FADS2: variants seen among roughly 807,000 people sequenced by gnomAD.
FADS2 encodes fatty acid desaturase 2, also known as acyl-CoA 6-desaturase.
A neutral mutation model predicts 61.2 loss-of-function variants in FADS2; 18 were observed. That is an observed-to-expected ratio of 0.29 (90% CI 0.20 to 0.44). The LOEUF is 0.44. Among genes scored for constraint, FADS2 ranks in the 20% least tolerant of loss-of-function variants. FADS2 has a pLI of 1.00. For synonymous variants in FADS2, 203 were observed against 223.9 expected, an observed-to-expected ratio of 0.91 and a Z score of 0.83; for missense variants, 322 against 572.7, an observed-to-expected ratio of 0.56 and a Z score of 4.47.
At chr11:61,843,489 G>A (rs1281485232) in intron 4 of FADS2, among the ~76,000 whole-genome samples, 1 of 152,182 alleles carries the variant, frequency 6.6e-6, no homozygotes, top group Non-Finnish European at 1.5e-5. Context: ...TCTGGAAATG[G>A]ACATCACCAG....
Position 61,865,735 on chromosome 11 carries a change from G to C in FADS2, c.*46G>C. ...CGTGGGGAAGGGGTGCAGGTGGGGT[G>C]ATGGCCAGAGGAATGATGGGCTTTT... On this transcript the variant is annotated 3_prime_UTR_variant, in exon 12 of 12. Coordinates refer to ENST00000278840, the MANE Select transcript of FADS2 (RefSeq NM_004265.4). This position sits in a 1 kb window ranked among gnomAD's most constrained non-coding sequence, Gnocchi z 4.1. 2 of 1,535,618 alleles carry C rather than the reference G, an allele frequency of 1.3e-6. No individual in the cohort carries two copies. Among genetic ancestry groups the C allele is most frequent in the South Asian group, 2.3e-5 (2 of 87,326 alleles).
At chr11:61,862,375 G>A in intron 7 of FADS2, 1 of 154,738 alleles carries the variant, frequency 6.5e-6, no homozygotes, top group Non-Finnish European at 1.4e-5. Flanking sequence ...CCCAGTACAT[G>A]AGAGAAGACG....
intron 2 of FADS2, among the ~76,000 whole-genome samples, chr11:61,838,289 T>G (rs1003656217): frequency 6.6e-6 from 1 of 152,114 alleles, no homozygotes; most frequent in East Asian, 1.9e-4. Context: ...GTTCATTGTC[T>G]GCAGGTCAGA....
chr11:61,860,899 C>A (rs2067408249), intron 7 of FADS2, among the ~76,000 whole-genome samples: 1 of 151,816 alleles, frequency 6.6e-6, no homozygotes, highest in South Asian at 2.1e-4. Context: ...CAGAGTGAGA[C>A]CCTGTCTCTT....
intron 7 of FADS2, 128 bp downstream of exon 7, chr11:61,857,658 G>C: frequency 1.4e-6 from 1 of 729,136 alleles, no homozygotes; most frequent in East Asian, 2.6e-5. Context: ...CTCCTCCCTG[G>C]GGTAGCTGCC....
At chr11:61,838,036 G>C (rs1004420822) in intron 2 of FADS2, 148 bp downstream of exon 2, 1 of 638,132 alleles carries the variant, frequency 1.6e-6, no homozygotes, top group African/African-American at 1.8e-5. Flanking sequence ...GTTCACCTGT[G>C]TTCAGGGAGG....
chr11:61,856,869 G>A, intron 5 of FADS2, 142 bp from the exon 6 acceptor site: 1 of 735,622 alleles, frequency 1.4e-6, no homozygotes. Context: ...GGCTTGGTGG[G>A]CCCAGGGTGC....
intron 7 of FADS2, among the ~76,000 whole-genome samples, chr11:61,861,142 C>T (rs1302937178): frequency 1.3e-5 from 2 of 151,888 alleles, no homozygotes; most frequent in Admixed American, 6.6e-5. Context: ...ATCACAAGGT[C>T]AGGAGATCGA....
At position 61,817,100 on chromosome 11, in the gene FADS2, C is replaced by T. The variant is rs573994254; in HGVS notation, c.141+674C>T. 104 of 692,128 alleles carry T rather than the reference C, an allele frequency of 1.5e-4. No individual in the cohort carries two copies. In the South Asian group the frequency reaches 2.9e-3, roughly 19 times the overall value. 42.9% of individuals were successfully genotyped at this position (692,128 alleles called of 1,614,324 possible). ...CGCGGCGTTGGCTCCCAGGGGGCGC[C>T]GCGGTAGGAACAGCGGTTCTAGTGC... is the stretch of plus-strand genomic sequence containing the variant. On this transcript the variant is annotated intron_variant, in intron 1 of 11. Transcript: ENST00000257261.
chr11:61,857,192 CG>C (rs954024422), intron 6 of FADS2, 121 bp downstream of exon 6: 3 of 910,594 alleles, frequency 3.3e-6, no homozygotes, highest in African/African-American at 1.6e-5. Context: ...TTGTTAGAAG[CG>C]GGGGCCACAG....
At chr11:61,862,546 C>CGG in intron 7 of FADS2, 1 of 210,916 alleles carries the variant, frequency 4.7e-6, no homozygotes, top group Admixed American at 5.4e-5. Context: ...TCCAAGCCCT[C>CGG]TGTCCTGCTG....
At chr11:61,844,831 A>G (rs1425698825) in intron 4 of FADS2, among the ~76,000 whole-genome samples, 4 of 151,390 alleles carry the variant, frequency 2.6e-5, no homozygotes, top group Non-Finnish European at 5.9e-5. Flanking sequence ...AGGCTGAGAC[A>G]GGAGAATCAC....
intron 2 of FADS2, among the ~76,000 whole-genome samples, chr11:61,838,592 C>T (rs1295583535): frequency 6.6e-6 from 1 of 152,080 alleles, no homozygotes; most frequent in Non-Finnish European, 1.5e-5. Context: ...CTCTGTTTAG[C>T]AGAGCCAGGG....
upstream of FADS2, chr11:61,826,125 A>G (rs1034495108): frequency 4.3e-6 from 3 of 702,492 alleles, no homozygotes; most frequent in Non-Finnish European, 7.8e-6. Flanking sequence ...CGGATGTCCA[A>G]GCCTCCTCCA....
At chr11:61,854,585 G>C (rs1312463112) in intron 5 of FADS2, 1 of 152,200 alleles carries the variant, frequency 6.6e-6, no homozygotes, top group African/African-American at 2.4e-5. Flanking sequence ...CACCCCCCTA[G>C]CTTGCTACAT....
chr11:61,848,143 C>G lies in FADS2; in HGVS notation c.619-16C>G. 6.2e-7 allele frequency: 1 copy of G among 1,614,054 alleles called. No homozygotes were observed. Among genetic ancestry groups the G allele is most frequent in the Non-Finnish European group, 8.5e-7 (1 of 1,179,946 alleles). On this transcript the variant is annotated splice_polypyrimidine_tract_variant and intron_variant, in intron 4 of 11. Coordinates refer to ENST00000278840, the MANE Select transcript of FADS2 (RefSeq NM_004265.4). ...GGTGGCTTGCATGGCTCATCCCCAC[C>G]CCTCTCTCCCCACAGGGTGCCTCTG...
chr11:61,834,358 C>G (rs527863377), intron 1 of FADS2, among the ~76,000 whole-genome samples: 2 of 152,224 alleles, frequency 1.3e-5, no homozygotes, highest in Admixed American at 6.5e-5. Flanking sequence ...GGCTCTGCCA[C>G]CTGGAGCCCA....
Position 61,865,157 on chromosome 11 carries a change from T to G in FADS2, c.1163T>G (p.Phe388Cys). 6.2e-7 allele frequency: 1 copy of G among 1,613,188 alleles called. No homozygotes were observed. The highest frequency in any genetic ancestry group is 8.5e-7 in the Non-Finnish European group (1 of 1,179,752). Residue 388 changes from phenylalanine to cysteine, a missense_variant, in exon 11 of 12, where the codon TTC becomes TGC. Physicochemically the swap from Phe to Cys is radical, Grantham distance 205 (BLOSUM62 -2). This residue lies in a region of FADS2 where 221 missense variants were observed against 427.9 expected (regional missense o/e 0.52). Coordinates refer to ENST00000278840, the MANE Select transcript of FADS2 (RefSeq NM_004265.4). This position sits in a 1 kb window ranked among gnomAD's most constrained non-coding sequence, Gnocchi z 4.1. ...CCACCCTACACACTCCTCAGCCTCT[T>G]CCCCACCATGCCCCGGCACAACTTA... ...HLNFQIEHHL[F>C]PTMPRHNLHK... is the part of the protein sequence containing the mutation.
chr11:61,822,701 A>T (rs1345799580), intron 1 of FADS2, among the ~76,000 whole-genome samples: 1 of 152,210 alleles, frequency 6.6e-6, no homozygotes, highest in Non-Finnish European at 1.5e-5. Flanking sequence ...AGTACAAATG[A>T]TCTCTCTTTA....
Sources: gnomAD v4.1 joint callset for allele counts (sites outside exome capture counted in the v4.1 genomes callset) on GRCh38, gnomAD v4.1.1 for gene constraint, gnomAD v4.1.1 regional missense constraint, Gnocchi (gnomAD v3.1) non-coding constraint, MANE v1.5 for transcripts, NCBI Gene and HGNC (gene_info 2026-07-23, HGNC 2026-07-21) for gene names.